Variants in ERLIN2 observed in about 807,000 individuals in gnomAD.
ERLIN2 encodes the protein erlin-2.
In ERLIN2, 22 loss-of-function variants were observed where a neutral mutation model predicts 41.5. The ratio of observed to expected loss-of-function variants is 0.53; its 90% CI spans 0.38 to 0.76. The LOEUF (loss-of-function observed/expected upper bound fraction) is 0.76, where lower values mean the gene tolerates loss of function less well. Among genes scored for constraint, ERLIN2 ranks in the 30% least tolerant of loss-of-function variants. The pLI is 0.00. For synonymous variants in ERLIN2, 149 were observed against 150.9 expected (o/e 0.99, Z 0.09); for missense variants, 247 against 414.3 (o/e 0.60, Z 3.51).
chr8:37,738,959 C>A (rs1024539841), intron 2 of ERLIN2, among the ~76,000 whole-genome samples: 1 of 151,996 alleles, frequency 6.6e-6, no homozygotes. Context: ...TCAAAGCAAG[C>A]CTTAGGATAG....
intron 4 of ERLIN2, among the ~76,000 whole-genome samples, chr8:37,743,343 G>A (rs925786232): frequency 2.2e-4 from 33 of 152,168 alleles, no homozygotes; most frequent in African/African-American, 7.5e-4. Context: ...CCAAGATCCG[G>A]GTAACAGCAG....
Position 37,748,076 on chromosome 8 carries a change from C to T in ERLIN2, c.425-1483C>T, listed in dbSNP as rs1585912569. 2.4e-6 allele frequency: 3 copies of T among 1,273,344 alleles called. No individual in the cohort carries two copies. The East Asian group carries it at 7.0e-5, about 30-fold the overall frequency. 78.9% of individuals were successfully genotyped at this position (1,273,344 alleles called of 1,614,324 possible). A position where few individuals can be genotyped will look rare whatever the true frequency, so the allele number is the denominator to read the frequency against. On this transcript the variant is annotated intron_variant, in intron 6 of 11. Coordinates refer to ENST00000519638, the MANE Select transcript of ERLIN2 (RefSeq NM_007175.8). Reference sequence around the variant, plus strand: ...CGCCGAAATGACGTCACGAGCGCGCCTTGCGCCTTTTCCCTGCGGCTACCT... The same window carrying T: ...CGCCGAAATGACGTCACGAGCGCGCTTTGCGCCTTTTCCCTGCGGCTACCT...
intron 1 of ERLIN2, 142 bp from the exon 2 acceptor site, chr8:37,737,766 G>A: frequency 1.1e-6 from 1 of 898,380 alleles, no homozygotes; most frequent in Non-Finnish European, 1.7e-6. Context: ...GAAGCGAGTT[G>A]TAGATCTAGC....
chr8:37,749,646 C>A lies in ERLIN2; in HGVS notation c.498+14C>A. On this transcript the variant is annotated intron_variant, in intron 7 of 11. Transcript: ENST00000519638. Reference sequence around the variant, plus strand: ...CTGGTCATTCAAGTAAGCATTGCTGCATGGGAGCAGCCCCTCTCTCTCTGA... The same window carrying A: ...CTGGTCATTCAAGTAAGCATTGCTGAATGGGAGCAGCCCCTCTCTCTCTGA... 1 of 1,604,158 alleles carries A rather than the reference C, an allele frequency of 6.2e-7. No homozygotes were observed. The highest frequency in any genetic ancestry group is 8.5e-7 in the Non-Finnish European group (1 of 1,170,904).
intron 6 of ERLIN2, chr8:37,746,296 T>C (rs984155121): frequency 1.0e-6 from 1 of 985,506 alleles, no homozygotes; most frequent in Non-Finnish European, 1.2e-6. Context: ...CTTCTTACTC[T>C]GCCGCATCCT....
intron 11 of ERLIN2, 113 bp from the exon 12 acceptor site, chr8:37,753,802 G>A (rs1228972634): frequency 1.1e-6 from 1 of 927,890 alleles, no homozygotes; most frequent in Non-Finnish European, 1.7e-6. Context: ...GTAACAATGA[G>A]ACCACAAAAA....
Position 37,738,123 on chromosome 8 carries a change from A to G in ERLIN2, c.107+94A>G, listed in dbSNP as rs75303006. 16,013 of 1,459,324 alleles carry G rather than the reference A, an allele frequency of 0.011. 1,432 individuals are homozygous for G. In the African/African-American group the frequency reaches 0.2, roughly 18 times the overall value. The allele number at this position is 1,459,324 out of a possible 1,614,324, so 90.4% of individuals were successfully genotyped here. A position where few individuals can be genotyped will look rare whatever the true frequency, so the allele number is the denominator to read the frequency against. The stretch of plus-strand genomic sequence containing the variant: ...CTAGCAGATTCTGCTGAACATCTCT[A>G]TTTATATTTCCTTGAATAGGGGAGC... On this transcript the variant is annotated intron_variant, in intron 2 of 11. Transcript: ENST00000519638.
chr8:37,756,465 T>C lies in ERLIN2; in HGVS notation c.*2350T>C, dbSNP rs1803361975. 6.6e-6 allele frequency: 1 copy of C among 152,638 alleles called. No individual in the cohort carries two copies. The highest frequency in any genetic ancestry group is 2.4e-5 in the African/African-American group (1 of 41,458). 9.5% of individuals were successfully genotyped at this position (152,638 alleles called of 1,614,324 possible). A position where few individuals can be genotyped will look rare whatever the true frequency, so the allele number is the denominator to read the frequency against. ...CTTAACTTGAGGGCCTCTCCGGTAC[T>C]AACATCCTGCGATAGCTTGTCCCAT... On this transcript the variant is annotated 3_prime_UTR_variant, in exon 12 of 12. Coordinates refer to ENST00000519638, the MANE Select transcript of ERLIN2 (RefSeq NM_007175.8).
At chr8:37,738,292 A>G (rs183548331) in intron 2 of ERLIN2, among the ~76,000 whole-genome samples, 1 of 152,328 alleles carries the variant, frequency 6.6e-6, no homozygotes, top group East Asian at 1.9e-4. Context: ...AGATTTAGAG[A>G]CAAAATCTAA....
At chr8:37,751,586 T>C (rs1803219405) in intron 9 of ERLIN2, 40 bp from the exon 10 acceptor site, 1 of 1,552,848 alleles carries the variant, frequency 6.4e-7, no homozygotes, top group Non-Finnish European at 8.9e-7. Flanking sequence ...AGTCAAACTC[T>C]GAAATGCCAG....
At chr8:37,747,692 G>A in intron 6 of ERLIN2, 1 of 1,588,740 alleles carries the variant, frequency 6.3e-7, no homozygotes, top group Non-Finnish European at 8.6e-7. Flanking sequence ...TTCTTCGGCT[G>A]GGATTGGTAG....
At chr8:37,737,566 T>C in intron 1 of ERLIN2, 1 of 339,546 alleles carries the variant, frequency 2.9e-6, no homozygotes, top group South Asian at 2.6e-5. Context: ...TCTTCCCTAC[T>C]ACTGGTAGGA....
At chr8:37,749,966 A>C (rs969948125) in intron 8 of ERLIN2, 114 bp downstream of exon 8, 4 of 949,920 alleles carry the variant, frequency 4.2e-6, no homozygotes, top group Admixed American at 1.8e-5. Context: ...TTGCTGGAGG[A>C]TTTGCTACAG....
chr8:37,748,925 A>G (rs1803146458), intron 6 of ERLIN2, among the ~76,000 whole-genome samples: 1 of 152,242 alleles, frequency 6.6e-6, no homozygotes, highest in Admixed American at 6.5e-5. Context: ...TGGATTCCAG[A>G]CAAAGAAATC....
rs908354122 is a variant in ERLIN2, at chr8:37,754,931, G to C, written c.*816G>C. The stretch of plus-strand genomic sequence containing the variant: ...CTCAAGTGTCTTAACAGCTGCTGGA[G>C]TGGGATCCTTGTTATCTCTTAGCCA... On this transcript the variant is annotated 3_prime_UTR_variant, in exon 12 of 12. Transcript: ENST00000519638. 4 of 152,354 alleles carry C rather than the reference G, an allele frequency of 2.6e-5. No individual in the cohort carries two copies. Among genetic ancestry groups the C allele is most frequent in the Non-Finnish European group, 5.9e-5 (4 of 68,196 alleles). The allele number at this position is 152,354 out of a possible 1,614,324, so 9.4% of individuals were successfully genotyped here.
chr8:37,745,429 A>T, intron 6 of ERLIN2: 1 of 818,436 alleles, frequency 1.2e-6, no homozygotes, highest in Non-Finnish European at 2.0e-6. Context: ...TTAGCAGCAA[A>T]GGAAGGACAC....
At chr8:37,747,881 C>A (rs563340128) in intron 6 of ERLIN2, 1 of 1,614,072 alleles carries the variant, frequency 6.2e-7, no homozygotes, top group East Asian at 2.2e-5. Context: ...AACTGACAGT[C>A]CAGCACTAGG....
intron 10 of ERLIN2, 89 bp downstream of exon 10, chr8:37,751,804 C>T: frequency 1.0e-6 from 1 of 963,896 alleles, no homozygotes; most frequent in Admixed American, 1.9e-5. Context: ...TGCCCTTTAA[C>T]TGTGCTCAAG....
At chr8:37,746,483 A>T (rs1033158151) in intron 6 of ERLIN2, 1 of 981,854 alleles carries the variant, frequency 1.0e-6, no homozygotes, top group Admixed American at 6.1e-5. Context: ...AGTGTGACAT[A>T]AAATAATACC....
Sources: gnomAD v4.1 joint callset for allele counts (sites outside exome capture counted in the v4.1 genomes callset) on GRCh38, gnomAD v4.1.1 for gene constraint, MANE v1.5 for transcripts, NCBI Gene and HGNC (gene_info 2026-07-23, HGNC 2026-07-21) for gene names.